The following PLCXD3 variants were observed in gnomAD, a reference collection of about 807,000 sequenced individuals.
PLCXD3 encodes the protein phosphatidylinositol specific phospholipase C X domain containing 3.
PLCXD3 carries 19 observed loss-of-function variants against 25.5 expected under a neutral mutation model. The ratio of observed to expected loss-of-function variants is 0.75; its 90% CI spans 0.52 to 1.09. PLCXD3 has a LOEUF of 1.09. Ranked by LOEUF, PLCXD3 falls within the 50% of genes least tolerant of loss-of-function variation. The probability of loss-of-function intolerance (pLI) is 0.00; values close to 1 mark genes in which losing one functional copy is unlikely to be tolerated. For synonymous variants in PLCXD3, 174 were observed against 137.6 expected (o/e 1.26, Z -1.85); for missense variants, 411 against 388.1 (o/e 1.06, Z -0.50).
intron 2 of PLCXD3, among the ~76,000 whole-genome samples, chr5:41,347,279 T>C (rs1360834978): frequency 6.6e-6 from 1 of 152,154 alleles, no homozygotes; most frequent in Non-Finnish European, 1.5e-5. Context: ...CTCAGCACAG[T>C]AAAGTTAGAA....
At chr5:41,475,826 G>A (rs935346189) in intron 1 of PLCXD3, 12 of 473,332 alleles carry the variant, frequency 2.5e-5, no homozygotes, top group Middle Eastern at 9.4e-4. Flanking sequence ...ATGAAGGGAT[G>A]AACATAGAAA....
intron 1 of PLCXD3, among the ~76,000 whole-genome samples, chr5:41,391,638 G>C (rs1599350): frequency 0.042 from 6,436 of 152,268 alleles, 173 homozygotes; most frequent in East Asian, 0.13. Context: ...ATTACCACCT[G>C]TGGTGGCTAC....
intron 2 of PLCXD3, among the ~76,000 whole-genome samples, chr5:41,334,823 A>G (rs568897237): frequency 1.1e-4 from 16 of 152,276 alleles, no homozygotes; most frequent in African/African-American, 3.6e-4. Flanking sequence ...GCTCCAAGTC[A>G]GGGTTTCAAA....
intron 2 of PLCXD3, among the ~76,000 whole-genome samples, chr5:41,372,683 T>C (rs1745138988): frequency 1.3e-5 from 2 of 151,918 alleles, no homozygotes; most frequent in Admixed American, 1.3e-4. Context: ...AAAAATTAAA[T>C]CTTGAGCCCC....
At chr5:41,433,613 A>G (rs1747167858) in intron 1 of PLCXD3, among the ~76,000 whole-genome samples, 1 of 152,182 alleles carries the variant, frequency 6.6e-6, no homozygotes, top group African/African-American at 2.4e-5. Flanking sequence ...GAGAAATGAG[A>G]CCTGAGCCCT....
At chr5:41,418,784 A>G (rs1426668595) in intron 1 of PLCXD3, among the ~76,000 whole-genome samples, 1 of 152,212 alleles carries the variant, frequency 6.6e-6, no homozygotes. Context: ...TTATTCCAGC[A>G]ATGACACTGA....
At chr5:41,317,175 C>T (rs910007758) in intron 2 of PLCXD3, among the ~76,000 whole-genome samples, 2 of 152,202 alleles carry the variant, frequency 1.3e-5, no homozygotes, top group African/African-American at 4.8e-5. Context: ...GTGGGAGACT[C>T]TGTATGTTTG....
chr5:41,482,359 G>A (rs592607), intron 1 of PLCXD3, among the ~76,000 whole-genome samples: 2 of 152,096 alleles, frequency 1.3e-5, no homozygotes, highest in Admixed American at 6.5e-5. Context: ...TCTTTGTAGG[G>A]CTTTGTAGTC....
chr5:41,379,138 A>G (rs567887381), intron 2 of PLCXD3, among the ~76,000 whole-genome samples: 1 of 152,140 alleles, frequency 6.6e-6, no homozygotes, highest in Non-Finnish European at 1.5e-5. Flanking sequence ...CTTTCATTCA[A>G]GGTGTGGAGA....
rs1230367262 is a variant in PLCXD3 at position 41,307,750 on chromosome 5, A to G, written c.*5867T>C. 1 of 152,186 alleles carries G rather than the reference A, an allele frequency of 6.6e-6. No homozygotes were observed. Among genetic ancestry groups the G allele is most frequent in the Admixed American group, 6.6e-5 (1 of 15,264 alleles). The allele number at this position is 152,186 out of a possible 1,614,324, so 9.4% of individuals were successfully genotyped here. On this transcript the variant is annotated 3_prime_UTR_variant, in exon 3 of 3. Transcript: ENST00000377801. The stretch of plus-strand genomic sequence containing the variant: ...GATGACCAGTTTTAACCTGATAAAA[A>G]TAATTTGTGGTAAGATGTGAATGGG...
intron 1 of PLCXD3, among the ~76,000 whole-genome samples, chr5:41,405,416 T>C (rs1746321875): frequency 1.3e-5 from 2 of 152,158 alleles, no homozygotes; most frequent in Admixed American, 6.5e-5. Context: ...TTCACATTCA[T>C]ATCGTCTACC....
intron 1 of PLCXD3, among the ~76,000 whole-genome samples, chr5:41,423,720 C>T (rs373397228): frequency 6.6e-6 from 1 of 152,054 alleles, no homozygotes; most frequent in African/African-American, 2.4e-5. Flanking sequence ...CCGAGGCGGA[C>T]GGATCACCTG....
chr5:41,481,050 T>A (rs1314073131), intron 1 of PLCXD3, among the ~76,000 whole-genome samples: 1 of 146,514 alleles, frequency 6.8e-6, no homozygotes, highest in Non-Finnish European at 1.5e-5. Flanking sequence ...ACCTACCAAA[T>A]TTATAATTGT....
chr5:41,342,556 A>G (rs767549718), intron 2 of PLCXD3, among the ~76,000 whole-genome samples: 4 of 152,188 alleles, frequency 2.6e-5, no homozygotes, highest in Non-Finnish European at 5.9e-5. Flanking sequence ...GACATACAAA[A>G]TTGTGCAGCT....
intron 1 of PLCXD3, among the ~76,000 whole-genome samples, chr5:41,415,558 G>T (rs577184450): frequency 1.5e-3 from 223 of 152,264 alleles, no homozygotes; most frequent in South Asian, 7.7e-3. Flanking sequence ...CAATGACGTT[G>T]CCCATTTCTG....
chr5:41,346,421 C>T (rs990811390), intron 2 of PLCXD3, among the ~76,000 whole-genome samples: 8 of 152,104 alleles, frequency 5.3e-5, no homozygotes, highest in African/African-American at 1.9e-4. Context: ...GCATGATGTC[C>T]TCTATCTACC....
intron 2 of PLCXD3, among the ~76,000 whole-genome samples, chr5:41,331,327 G>T (rs1056191546): frequency 4.6e-5 from 7 of 152,080 alleles, no homozygotes; most frequent in African/African-American, 1.4e-4. Context: ...AATCATGAGT[G>T]AACTCCCATT....
intron 1 of PLCXD3, among the ~76,000 whole-genome samples, chr5:41,508,034 C>T (rs148501602): frequency 9.8e-5 from 15 of 152,288 alleles, no homozygotes; most frequent in African/African-American, 3.4e-4. Context: ...AACAAATTTA[C>T]AGAAACATGC....
rs1177692921 is a variant in PLCXD3 at position 41,361,231 on chromosome 5, C to G, written c.812+20595G>C. On this transcript the variant is annotated intron_variant, in intron 2 of 2. Coordinates refer to ENST00000377801, the MANE Select transcript of PLCXD3 (RefSeq NM_001005473.3). ...ACCCCACTCCCATGCAGCCAGCAGT[C>G]CTAAAGGCTAGTCTCACTCTCACTG... 2.6e-5 allele frequency among the ~76,000 whole-genome samples: 4 copies of G among 152,158 alleles called. No individual in the cohort carries two copies. The South Asian group carries it at 6.2e-4, about 24-fold the overall frequency.
Sources: allele counts gnomAD v4.1 joint callset (sites outside exome capture counted in the v4.1 genomes callset), GRCh38; gene constraint gnomAD v4.1.1; transcripts MANE v1.5; gene names NCBI Gene and HGNC (gene_info 2026-07-23, HGNC 2026-07-21).